DNAAF9: variants seen among roughly 807,000 people sequenced by gnomAD.
DNAAF9 encodes the protein shulin.
Under a neutral mutation model 167.0 loss-of-function variants are expected in DNAAF9, and 90 were observed. That is an observed-to-expected ratio of 0.54 (90% CI 0.45 to 0.64). DNAAF9 has a LOEUF of 0.64. Ranked by LOEUF, DNAAF9 falls within the 30% of genes least tolerant of loss-of-function variation. DNAAF9 has a pLI of 0.00. For synonymous variants in DNAAF9, 491 were observed against 508.8 expected, an observed-to-expected ratio of 0.96 and a Z score of 0.47; for missense variants, 1,315 against 1,442.2, an observed-to-expected ratio of 0.91 and a Z score of 1.43.
At chr20:3,253,700 C>T in intron 36 of DNAAF9, 26 bp downstream of exon 36, 2 of 1,417,246 alleles carry the variant, frequency 1.4e-6, no homozygotes, top group Non-Finnish European at 1.0e-6. Flanking sequence ...GGGTTCCACA[C>T]AGGGACCACG....
In DNAAF9 at chr20:3,282,996, A is replaced by G. The variant is rs528308961; in HGVS notation, c.2487-1230T>C. 7.9e-5 allele frequency among the ~76,000 whole-genome samples: 12 copies of G among 152,274 alleles called. No homozygotes were observed. In the South Asian group the frequency reaches 2.5e-3, roughly 32 times the overall value. ...TCTCATTTATTTGTTTACTGTCTCC[A>G]TAATAAGAATGTCAGGTGGTTGTTG... On this transcript the variant is annotated intron_variant, in intron 27 of 36. Transcript: ENST00000252032.
chr20:3,388,004 T>C lies in DNAAF9; in HGVS notation c.84-5498A>G, dbSNP rs561383162. Among the ~76,000 whole-genome samples the C allele has an allele frequency of 2.5e-4, 37 of 148,414 alleles. 1 individual carries two copies. The highest frequency in any genetic ancestry group is 1.6e-3 in the Admixed American group (24 of 14,720). ...TCATCTGAGCCCAAGAGGTTGAGGC[T>C]GCAGTGTGAGATGTGTTCACGCCAC... On this transcript the variant is annotated intron_variant, in intron 1 of 36. Coordinates refer to ENST00000252032, the MANE Select transcript of DNAAF9 (RefSeq NM_001009984.3).
At chr20:3,287,839 G>C in intron 26 of DNAAF9, 49 bp from the exon 27 acceptor site, 1 of 1,526,494 alleles carries the variant, frequency 6.6e-7, no homozygotes, top group Non-Finnish European at 9.1e-7. Context: ...TGATGGCCTA[G>C]CTCCATAGGT....
At chr20:3,278,592 G>A (rs1057103400) in intron 29 of DNAAF9, among the ~76,000 whole-genome samples, 1 of 152,134 alleles carries the variant, frequency 6.6e-6, no homozygotes, top group Non-Finnish European at 1.5e-5. Context: ...GGTGGTACAT[G>A]CTTGTAATCC....
At chr20:3,290,338 C>T (rs2068929214) in intron 25 of DNAAF9, 121 bp from the exon 26 acceptor site, 6 of 702,752 alleles carry the variant, frequency 8.5e-6, no homozygotes, top group Non-Finnish European at 1.6e-5. Context: ...TGACCTCTCA[C>T]TAACTCTGTG....
chr20:3,326,285 C>T lies in DNAAF9; in HGVS notation c.1101-1G>A, dbSNP rs187463757. On this transcript the variant is annotated splice_acceptor_variant, in intron 12 of 36. Transcript: ENST00000252032. LOFTEE classifies it high-confidence loss of function. ...AGCATATATCTGGGACAATAGCCTA[C>T]TTTAAAAACAAAAAATAATGGTTAA... The T allele has an allele frequency of 6.2e-7, 1 of 1,605,036 alleles. No homozygotes were observed.
At chr20:3,318,554 T>C (rs1382781656) in intron 16 of DNAAF9, among the ~76,000 whole-genome samples, 154 bp from the exon 17 acceptor site, 2 of 152,204 alleles carry the variant, frequency 1.3e-5, no homozygotes, top group Non-Finnish European at 1.5e-5. Context: ...AATACATCTT[T>C]GAACTGGGAG....
At chr20:3,260,657 T>G (rs1415993123) in intron 31 of DNAAF9, among the ~76,000 whole-genome samples, 1 of 151,992 alleles carries the variant, frequency 6.6e-6, no homozygotes, top group African/African-American at 2.4e-5. Flanking sequence ...TGAGACAAGG[T>G]CTCCCTCTGT....
intron 20 of DNAAF9, among the ~76,000 whole-genome samples, chr20:3,313,354 G>T (rs2069447056): frequency 6.6e-6 from 1 of 152,212 alleles, no homozygotes; most frequent in Non-Finnish European, 1.5e-5. Context: ...AGAACTCCTT[G>T]TGCTTTGTCT....
At chr20:3,264,019 A>G (rs2068440584) in intron 31 of DNAAF9, among the ~76,000 whole-genome samples, 1 of 152,152 alleles carries the variant, frequency 6.6e-6, no homozygotes, top group Admixed American at 6.6e-5. Flanking sequence ...TCCTACAGAG[A>G]ACATTCCCTG....
chr20:3,321,096 T>C (rs1266545673), intron 16 of DNAAF9, among the ~76,000 whole-genome samples: 3 of 152,202 alleles, frequency 2.0e-5, no homozygotes, highest in South Asian at 2.1e-4. Flanking sequence ...TCTCAGTGCA[T>C]CTCCAAACCA....
chr20:3,352,199 A>C (rs539997536), intron 7 of DNAAF9, among the ~76,000 whole-genome samples: 2 of 152,346 alleles, frequency 1.3e-5, no homozygotes, highest in Non-Finnish European at 2.9e-5. Context: ...TATTTTGTAT[A>C]TAGAAATGCG....
intron 31 of DNAAF9, among the ~76,000 whole-genome samples, chr20:3,262,187 G>A (rs2068401819): frequency 2.6e-5 from 4 of 151,868 alleles, no homozygotes; most frequent in Admixed American, 2.0e-4. Context: ...GAATTTTGGG[G>A]TCCCTCCATC....
intron 21 of DNAAF9, among the ~76,000 whole-genome samples, chr20:3,303,191 G>A (rs1233594292): frequency 2.0e-5 from 3 of 150,428 alleles, no homozygotes; most frequent in African/African-American, 7.4e-5. Flanking sequence ...GCAGTGAGTC[G>A]AGATCGCACC....
rs552194428 is a variant in DNAAF9, at chr20:3,398,713, T to C, written c.83+8762A>G. Among the ~76,000 whole-genome samples, 9 of 152,316 alleles carry C rather than the reference T, an allele frequency of 5.9e-5. No homozygotes were observed. The East Asian group carries it at 7.7e-4, about 13-fold the overall frequency. On this transcript the variant is annotated intron_variant, in intron 1 of 36. Coordinates refer to ENST00000252032, the MANE Select transcript of DNAAF9 (RefSeq NM_001009984.3). ...AACAGCAGAAGTAATAAAAGCTATATTGGCATTAATCTAGACTTTCGGTGC... is the reference window on the plus strand; with the variant it reads ...AACAGCAGAAGTAATAAAAGCTATACTGGCATTAATCTAGACTTTCGGTGC...
chr20:3,307,271 G>T, intron 20 of DNAAF9: 1 of 365,926 alleles, frequency 2.7e-6, no homozygotes, highest in Non-Finnish European at 3.8e-6. Context: ...CCAAGGCAAG[G>T]TCTCAGTAAA....
chr20:3,290,267 G>T, intron 25 of DNAAF9, 50 bp from the exon 26 acceptor site: 1 of 1,160,574 alleles, frequency 8.6e-7, no homozygotes, highest in South Asian at 1.2e-5. Context: ...ATTGCATTAT[G>T]TAAGAAGAGG....
At chr20:3,293,567 C>A (rs1276611986) in intron 25 of DNAAF9, among the ~76,000 whole-genome samples, 3 of 150,742 alleles carry the variant, frequency 2.0e-5, no homozygotes, top group Non-Finnish European at 4.4e-5. Flanking sequence ...TGCCTGTAAT[C>A]CCAGCTACTC....
intron 16 of DNAAF9, 23 bp from the exon 17 acceptor site, chr20:3,318,423 T>C (rs1472183576): frequency 8.2e-7 from 1 of 1,213,702 alleles, no homozygotes; most frequent in South Asian, 1.2e-5. Context: ...AGAAACCAGT[T>C]AGATCAGTTA....
Sources: allele counts gnomAD v4.1 joint callset (sites outside exome capture counted in the v4.1 genomes callset), GRCh38; gene constraint gnomAD v4.1.1; transcripts MANE v1.5; gene names NCBI Gene and HGNC (gene_info 2026-07-23, HGNC 2026-07-21).